Variants in TSC22D1 observed in about 807,000 individuals in gnomAD.
TSC22D1 encodes the protein TSC22 domain family member 1.
Under a neutral mutation model 74.2 loss-of-function variants are expected in TSC22D1, and 9 were observed. The ratio of observed to expected loss-of-function variants is 0.12; its 90% confidence interval spans 0.07 to 0.21. TSC22D1 has a LOEUF of 0.21. Ranked by LOEUF, TSC22D1 falls within the 10% of genes least tolerant of loss-of-function variation. TSC22D1 has a pLI of 1.00. For synonymous variants in TSC22D1, 586 were observed against 492.5 expected (o/e 1.19, Z -2.51); for missense variants, 1,427 against 1,304.7 (o/e 1.09, Z -1.44).
At chr13:44,512,052 C>T (rs1355148030) in intron 1 of TSC22D1, among the ~76,000 whole-genome samples, 1 of 152,198 alleles carries the variant, frequency 6.6e-6, no homozygotes, top group Non-Finnish European at 1.5e-5. Flanking sequence ...CTTAAGATGA[C>T]AGCTCCCACC....
At chr13:44,498,610 T>G (rs181497536) in intron 1 of TSC22D1, among the ~76,000 whole-genome samples, 1 of 152,230 alleles carries the variant, frequency 6.6e-6, no homozygotes, top group East Asian at 1.9e-4. Context: ...GGCCATGACT[T>G]TATCATACTT....
At chr13:44,554,302 G>A (rs1021750483) in intron 1 of TSC22D1, among the ~76,000 whole-genome samples, 3 of 152,310 alleles carry the variant, frequency 2.0e-5, no homozygotes, top group African/African-American at 7.2e-5. Context: ...CAGGGCTGAT[G>A]CCAAGACTAA....
chr13:44,436,780 G>A (rs995521403), intron 1 of TSC22D1: 6 of 1,453,180 alleles, frequency 4.1e-6, no homozygotes, highest in South Asian at 3.2e-5. Flanking sequence ...AGGGCTTGAT[G>A]ATCCCAGGCA....
intron 1 of TSC22D1, among the ~76,000 whole-genome samples, chr13:44,557,316 C>A (rs1003291728): frequency 4.0e-5 from 6 of 151,776 alleles, no homozygotes; most frequent in Non-Finnish European, 7.4e-5. Context: ...CAAAAATTAG[C>A]TGGGCATGGT....
intron 1 of TSC22D1, among the ~76,000 whole-genome samples, chr13:44,571,837 T>C (rs1018643945): frequency 2.6e-5 from 4 of 152,152 alleles, no homozygotes; most frequent in African/African-American, 9.6e-5. Flanking sequence ...AGAAAAATAA[T>C]AAAAATCTTG....
In TSC22D1 at chr13:44,456,431, G is replaced by A. The variant is rs543216615; in HGVS notation, c.2913-20336C>T. Among the ~76,000 whole-genome samples the A allele has an allele frequency of 1.4e-3, 207 of 151,890 alleles. 1 individual carries two copies. Among genetic ancestry groups the A allele is most frequent in the African/African-American group, 4.5e-3 (186 of 41,400 alleles). On this transcript the variant is annotated intron_variant, in intron 1 of 2. Transcript: ENST00000458659. ...ACAAACCTTTAGCTAGACACAGAGCGCTGATTGGTCCATTTTTACAGAGTG... is the reference window on the plus strand; with the variant it reads ...ACAAACCTTTAGCTAGACACAGAGCACTGATTGGTCCATTTTTACAGAGTG...
intron 1 of TSC22D1, among the ~76,000 whole-genome samples, chr13:44,486,881 C>A (rs1489403339): frequency 6.6e-6 from 1 of 151,918 alleles, no homozygotes; most frequent in African/African-American, 2.4e-5. Flanking sequence ...AAACTTAAGA[C>A]ACTTAGAATG....
chr13:44,541,912 T>C (rs147130357), intron 1 of TSC22D1, among the ~76,000 whole-genome samples: 2,594 of 152,194 alleles, frequency 0.017, 31 homozygotes, highest in Middle Eastern at 0.034. Context: ...ATAGGTGCTA[T>C]AAAAGTGCTT....
chr13:44,444,260 C>G (rs1484673644), intron 1 of TSC22D1, among the ~76,000 whole-genome samples: 2 of 74,114 alleles, frequency 2.7e-5, no homozygotes, highest in African/African-American at 1.1e-4. Flanking sequence ...GCCTGGGGAA[C>G]AGAGCAAGAC....
chr13:44,479,777 A>C (rs1031459467), intron 1 of TSC22D1, among the ~76,000 whole-genome samples: 1 of 152,226 alleles, frequency 6.6e-6, no homozygotes, highest in Admixed American at 6.5e-5. Flanking sequence ...AAGATTAGAT[A>C]AAAGTTTAAG....
chr13:44,515,718 T>C (rs1442875119), intron 1 of TSC22D1, among the ~76,000 whole-genome samples: 1 of 152,206 alleles, frequency 6.6e-6, no homozygotes, highest in Non-Finnish European at 1.5e-5. Flanking sequence ...ATTGCAGGTG[T>C]GAGCTACCAT....
intron 1 of TSC22D1, chr13:44,537,785 GA>G (rs1456155238): frequency 1.0e-6 from 1 of 982,404 alleles, no homozygotes; most frequent in Non-Finnish European, 1.2e-6. Context: ...TAATTAATGA[GA>G]AAAAAATACA....
At chr13:44,474,410 G>A (rs1375676422) in intron 1 of TSC22D1, 1 of 198,020 alleles carries the variant, frequency 5.0e-6, no homozygotes. Context: ...ATTTATTTAT[G>A]ATGACTCATT....
At chr13:44,533,258 C>T (rs138116439) in intron 1 of TSC22D1, among the ~76,000 whole-genome samples, 2,316 of 151,498 alleles carry the variant, frequency 0.015, 28 homozygotes, top group Non-Finnish European at 0.025. Flanking sequence ...GTCAGGAGTT[C>T]GAGACCAGCC....
chr13:44,437,524 C>A (rs1874818553), intron 1 of TSC22D1, among the ~76,000 whole-genome samples: 1 of 152,060 alleles, frequency 6.6e-6, no homozygotes, highest in South Asian at 2.1e-4. Flanking sequence ...GGGAAAGACT[C>A]CAGATAAAAT....
At chr13:44,445,352 C>G (rs969211443) in intron 1 of TSC22D1, among the ~76,000 whole-genome samples, 2 of 151,604 alleles carry the variant, frequency 1.3e-5, no homozygotes, top group Non-Finnish European at 2.9e-5. Context: ...ACAACTGATC[C>G]ATTCTTTACG....
intron 1 of TSC22D1, chr13:44,537,709 A>G: frequency 1.0e-6 from 1 of 984,774 alleles, no homozygotes; most frequent in Non-Finnish European, 1.2e-6. Flanking sequence ...CTCTCTGGGG[A>G]AATTTCAGTT....
chr13:44,491,979 C>T (rs532242337), intron 1 of TSC22D1, among the ~76,000 whole-genome samples: 1 of 152,248 alleles, frequency 6.6e-6, no homozygotes, highest in African/African-American at 2.4e-5. Flanking sequence ...TAAAAATGTT[C>T]ATACTAGCAT....
intron 1 of TSC22D1, among the ~76,000 whole-genome samples, chr13:44,480,597 T>C (rs557776165): frequency 6.6e-5 from 10 of 152,092 alleles, no homozygotes; most frequent in African/African-American, 1.7e-4. Flanking sequence ...TTGGTACTAG[T>C]AGCTGTGAGA....
Sources: gnomAD v4.1 joint callset for allele counts (sites outside exome capture counted in the v4.1 genomes callset) on GRCh38, gnomAD v4.1.1 for gene constraint, MANE v1.5 for transcripts, NCBI Gene and HGNC (gene_info 2026-07-23, HGNC 2026-07-21) for gene names.